Variants in DMD observed in about 807,000 individuals in gnomAD.
The protein encoded by DMD is dystrophin.
A neutral mutation model predicts 330.1 loss-of-function variants in DMD; 63 were observed. That is an observed-to-expected ratio of 0.19 (90% CI 0.16 to 0.24). The LOEUF is 0.24. Ranked by LOEUF, DMD falls within the 10% of genes least tolerant of loss-of-function variation. The pLI is 1.00. For missense variants in DMD, 3,344 were observed against 2,684.1 expected (o/e 1.25, Z -5.43); for synonymous variants, 1,223 against 959.8 (o/e 1.27, Z -5.07).
chrX:32,967,347 G>A (rs764370037), intron 2 of DMD, among the ~76,000 whole-genome samples: 55 of 112,020 alleles, frequency 4.9e-4, no homozygotes, highest in African/African-American at 1.7e-3. Context: ...AGGAAGTAGA[G>A]AAGTGAGATA....
chrX:31,336,919 T>C, intron 61 of DMD, among the ~76,000 whole-genome samples: 1 of 97,534 alleles, frequency 1.0e-5, no homozygotes, highest in Non-Finnish European at 2.0e-5. Context: ...TATTCTTTTC[T>C]TTCTTTCTTT....
chrX:31,472,790 G>T (rs754796689), intron 59 of DMD, among the ~76,000 whole-genome samples: 2 of 111,946 alleles, frequency 1.8e-5, no homozygotes, highest in Admixed American at 9.5e-5. Flanking sequence ...TGCCAAAAAA[G>T]GTTTAATCAA....
At chrX:31,198,795 A>G (rs1480433914) in intron 67 of DMD, among the ~76,000 whole-genome samples, 1 of 112,078 alleles carries the variant, frequency 8.9e-6, no homozygotes, top group Non-Finnish European at 1.9e-5. Flanking sequence ...ATGACTGTAT[A>G]GTTTTCCCAC....
At chrX:32,859,505 A>ACACACACACACG (rs1196332140) in intron 2 of DMD, among the ~76,000 whole-genome samples, 10 of 90,564 alleles carry the variant, frequency 1.1e-4, no homozygotes, top group African/African-American at 4.9e-4. Flanking sequence ...ACACACACAC[A>ACACACACACACG]CACACAAGTT....
chrX:32,906,764 A>G (rs1220541474), intron 2 of DMD, among the ~76,000 whole-genome samples: 2 of 111,518 alleles, frequency 1.8e-5, no homozygotes, highest in Non-Finnish European at 3.8e-5. Flanking sequence ...CATGAGAGAG[A>G]GCAGTTAGGA....
At chrX:32,136,646 T>C (rs1466407890) in intron 44 of DMD, among the ~76,000 whole-genome samples, 1 of 112,515 alleles carries the variant, frequency 8.9e-6, no homozygotes, top group African/African-American at 3.2e-5. Context: ...TTCCTTGTTC[T>C]GCCTTGTCCT....
chrX:32,332,805 T>C (rs970372098), intron 41 of DMD, among the ~76,000 whole-genome samples: 1 of 111,175 alleles, frequency 9.0e-6, no homozygotes, highest in African/African-American at 3.3e-5. Context: ...CCCTGTGTAT[T>C]GTGTAGAGAT....
chrX:32,212,928 A>G (rs2097098550), intron 44 of DMD, among the ~76,000 whole-genome samples: 1 of 111,126 alleles, frequency 9.0e-6, no homozygotes. Flanking sequence ...ATGGAACCAG[A>G]TTATCTTTCT....
intron 2 of DMD, among the ~76,000 whole-genome samples, chrX:32,951,185 A>AT (rs2091225979): frequency 9.0e-6 from 1 of 110,868 alleles, no homozygotes; most frequent in Non-Finnish European, 1.9e-5. Context: ...ATACCCCACC[A>AT]TTTTTTCTGA....
intron 7 of DMD, among the ~76,000 whole-genome samples, chrX:32,803,522 C>A: frequency 9.1e-6 from 1 of 109,991 alleles, no homozygotes; most frequent in Non-Finnish European, 1.9e-5. Context: ...TTTGCTCTTG[C>A]TGCTCTAGTT....
chrX:31,648,261 C>T (rs1399023824), intron 54 of DMD, among the ~76,000 whole-genome samples: 1 of 110,992 alleles, frequency 9.0e-6, no homozygotes, highest in African/African-American at 3.3e-5. Context: ...CAATAAGAAT[C>T]ACTTGTACTA....
At chrX:31,167,035 G>A (rs1185539452) in intron 74 of DMD, among the ~76,000 whole-genome samples, 1 of 111,893 alleles carries the variant, frequency 8.9e-6, no homozygotes, top group Non-Finnish European at 1.9e-5. Context: ...TAGATGAACA[G>A]GTTTATTCCG....
intron 7 of DMD, among the ~76,000 whole-genome samples, chrX:32,707,977 G>T (rs2064835493): frequency 8.9e-6 from 1 of 111,929 alleles, no homozygotes; most frequent in South Asian, 3.7e-4. Context: ...TAACCAAATT[G>T]ACTTTTTCTT....
chrX:32,043,209 A>C (rs185293182), intron 44 of DMD, among the ~76,000 whole-genome samples: 1 of 111,949 alleles, frequency 8.9e-6, no homozygotes, highest in African/African-American at 3.3e-5. Context: ...GAAAGAAAAA[A>C]CTTAAAAGAA....
chrX:33,287,772 A>C (rs2053455369), intron 1 of DMD, among the ~76,000 whole-genome samples: 1 of 111,666 alleles, frequency 9.0e-6, no homozygotes, highest in African/African-American at 3.2e-5. Context: ...CTTAGTTGTT[A>C]ATTTAAGTAA....
chrX:32,733,604 G>A (rs943261817), intron 7 of DMD, among the ~76,000 whole-genome samples: 1 of 111,488 alleles, frequency 9.0e-6, no homozygotes, highest in Middle Eastern at 4.2e-3. Context: ...TCAGAATTAA[G>A]AATCTCACTC....
chrX:32,957,889 G>C (rs1458297552), intron 2 of DMD, among the ~76,000 whole-genome samples: 2 of 111,952 alleles, frequency 1.8e-5, no homozygotes, highest in African/African-American at 6.5e-5. Flanking sequence ...TGCAGAGTAA[G>C]GCTATCTTCA....
chrX:31,477,473 T>TA (rs766498221), intron 59 of DMD, among the ~76,000 whole-genome samples: 1 of 111,952 alleles, frequency 8.9e-6, no homozygotes, highest in African/African-American at 3.2e-5. Flanking sequence ...ATGATACTCC[T>TA]AAATATGTAT....
chrX:32,271,067 C>A (rs1415516912), intron 43 of DMD, among the ~76,000 whole-genome samples: 1 of 111,143 alleles, frequency 9.0e-6, no homozygotes, highest in African/African-American at 3.3e-5. Flanking sequence ...CAAAGAAATT[C>A]CAGAATTATA....
Sources: gnomAD v4.1 joint callset for allele counts (sites outside exome capture counted in the v4.1 genomes callset) on GRCh38, gnomAD v4.1.1 for gene constraint, MANE v1.5 for transcripts, NCBI Gene and HGNC (gene_info 2026-07-23, HGNC 2026-07-21) for gene names.